Variants in PHF24 observed in about 807,000 individuals in gnomAD.
PHF24 encodes the protein PHD finger protein 24, also known as Galpha inhibitory interacting protein.
PHF24 carries 25 observed loss-of-function variants against 42.6 expected under a neutral mutation model. That is an observed-to-expected ratio of 0.59 (90% confidence interval 0.43 to 0.82). The LOEUF (loss-of-function observed/expected upper bound fraction) is 0.82, where lower values mean the gene tolerates loss of function less well. PHF24 is among the 40% of genes least tolerant of loss of function. The pLI is 0.00. For missense variants in PHF24, 470 were observed against 538.1 expected (o/e 0.87, Z 1.25); for synonymous variants, 185 against 204.8 (o/e 0.90, Z 0.83).
chr9:34,776,710 A>G, the PHF24 span, among the ~76,000 whole-genome samples: 2 of 152,206 alleles, frequency 1.3e-5, no homozygotes, highest in South Asian at 2.1e-4. Context: ...CTTTTTAATC[A>G]TGATCTGTTG....
At chr9:34,818,806 T>C in the PHF24 span, among the ~76,000 whole-genome samples, 2 of 152,148 alleles carry the variant, frequency 1.3e-5, no homozygotes, top group Non-Finnish European at 2.9e-5. Context: ...TAAAAAATAG[T>C]GCTCACCTCA....
At chr9:34,818,670 C>G in the PHF24 span, among the ~76,000 whole-genome samples, 1 of 152,114 alleles carries the variant, frequency 6.6e-6, no homozygotes, top group African/African-American at 2.4e-5. Context: ...TAAAACAGTA[C>G]TCACTTTGCC....
At chr9:34,881,485 G>C in the PHF24 span, among the ~76,000 whole-genome samples, 1 of 152,108 alleles carries the variant, frequency 6.6e-6, no homozygotes, top group Non-Finnish European at 1.5e-5. Flanking sequence ...AAGAAGAAAA[G>C]AGAGAAGAAT....
the PHF24 span, among the ~76,000 whole-genome samples, chr9:34,854,161 CTCTT>C: frequency 5.3e-5 from 7 of 131,708 alleles, no homozygotes; most frequent in African/African-American, 1.9e-4. Context: ...ATTTGGTTCT[CTCTT>C]TTCTTTATTA....
At chr9:34,975,062 C>T (rs554232490) in intron 3 of PHF24, among the ~76,000 whole-genome samples, 112 of 152,320 alleles carry the variant, frequency 7.4e-4, no homozygotes, top group Non-Finnish European at 1.2e-3. Flanking sequence ...CTCTGCCGCT[C>T]TAATCCATCT....
the PHF24 span, among the ~76,000 whole-genome samples, chr9:34,789,990 G>A: frequency 1.3e-5 from 2 of 152,092 alleles, no homozygotes; most frequent in East Asian, 3.9e-4. Flanking sequence ...GGGACTACAG[G>A]CATGCGCCAC....
the PHF24 span, chr9:34,917,605 T>C: frequency 2.6e-6 from 2 of 775,728 alleles, no homozygotes; most frequent in South Asian, 1.3e-5. Flanking sequence ...TGGGGACAAA[T>C]GGCCACCCCT....
the PHF24 span, among the ~76,000 whole-genome samples, chr9:34,718,662 G>A: frequency 6.6e-6 from 1 of 152,192 alleles, no homozygotes; most frequent in Non-Finnish European, 1.5e-5. Flanking sequence ...CCTCCCACAT[G>A]GTGCAGGAAG....
chr9:34,672,418 G>A, the PHF24 span, among the ~76,000 whole-genome samples: 3 of 152,144 alleles, frequency 2.0e-5, no homozygotes, highest in Non-Finnish European at 4.4e-5. Context: ...GCTACTAGAA[G>A]AGCACCTGTA....
chr9:34,740,699 G>A, the PHF24 span, among the ~76,000 whole-genome samples: 3 of 152,242 alleles, frequency 2.0e-5, no homozygotes, highest in South Asian at 2.1e-4. Flanking sequence ...GCAGTGGTGG[G>A]CTGAAGGGCT....
the PHF24 span, among the ~76,000 whole-genome samples, chr9:34,666,805 G>A: frequency 1.3e-5 from 2 of 152,130 alleles, no homozygotes; most frequent in Non-Finnish European, 2.9e-5. Flanking sequence ...AGTTAGCCGG[G>A]CGTGGTGGCA....
the PHF24 span, among the ~76,000 whole-genome samples, chr9:34,732,882 T>C: frequency 1.3e-5 from 2 of 152,236 alleles, no homozygotes; most frequent in Non-Finnish European, 2.9e-5. Context: ...TTCTTTAATG[T>C]TTGTACAGTC....
At chr9:34,723,785 G>T in the PHF24 span, 1 of 1,551,592 alleles carries the variant, frequency 6.4e-7, no homozygotes, top group African/African-American at 1.4e-5. Flanking sequence ...AGGAATTGTC[G>T]CTGGTTCAAG....
chr9:34,886,782 A>T, the PHF24 span, among the ~76,000 whole-genome samples: 4 of 62,836 alleles, frequency 6.4e-5, no homozygotes, highest in African/African-American at 2.1e-4. Flanking sequence ...CTGTCTGTCT[A>T]CTCTGTCTAT....
the PHF24 span, among the ~76,000 whole-genome samples, chr9:34,927,859 C>T: frequency 6.6e-6 from 1 of 152,138 alleles, no homozygotes; most frequent in African/African-American, 2.4e-5. Context: ...GCATCTCTAT[C>T]CAGCCATCTT....
At chr9:34,945,185 A>G in the PHF24 span, among the ~76,000 whole-genome samples, 2 of 152,212 alleles carry the variant, frequency 1.3e-5, no homozygotes, top group Non-Finnish European at 2.9e-5. Context: ...CATGCCAGGG[A>G]CTATCCAAGT....
At chr9:34,930,505 CA>C in the PHF24 span, among the ~76,000 whole-genome samples, 5 of 152,158 alleles carry the variant, frequency 3.3e-5, no homozygotes, top group African/African-American at 1.2e-4. Flanking sequence ...ACCTCCAGAG[CA>C]GAATCAAGGG....
chr9:34,815,463 C>T, the PHF24 span, among the ~76,000 whole-genome samples: 9 of 152,046 alleles, frequency 5.9e-5, no homozygotes, highest in Non-Finnish European at 1.2e-4. Context: ...GCTGGGACTA[C>T]AGGCGCCCGC....
the PHF24 span, among the ~76,000 whole-genome samples, chr9:34,888,544 G>T: frequency 6.6e-6 from 1 of 152,158 alleles, no homozygotes; most frequent in African/African-American, 2.4e-5. Flanking sequence ...TCTCAGTTGG[G>T]TTACCCTTAA....
Sources: allele counts gnomAD v4.1 joint callset (sites outside exome capture counted in the v4.1 genomes callset), GRCh38; gene constraint gnomAD v4.1.1; transcripts MANE v1.5; gene names NCBI Gene and HGNC (gene_info 2026-07-23, HGNC 2026-07-21).